GALK2: variants seen among roughly 807,000 people sequenced by gnomAD.
The protein encoded by GALK2 is galactokinase 2.
A neutral mutation model predicts 52.4 loss-of-function variants in GALK2; 36 were observed. The ratio of observed to expected loss-of-function variants is 0.69; its 90% CI spans 0.53 to 0.91. GALK2 has a LOEUF of 0.91. GALK2 is among the 40% of genes least tolerant of loss of function. The pLI, the probability that GALK2 is intolerant of heterozygous loss-of-function variation, is 0.00. For missense variants in GALK2, 579 were observed against 559.1 expected (o/e 1.04, Z -0.36); for synonymous variants, 176 against 199.1 (o/e 0.88, Z 0.98).
At chr15:49,322,692 T>C (rs1408559604) in intron 9 of GALK2, among the ~76,000 whole-genome samples, 1 of 152,142 alleles carries the variant, frequency 6.6e-6, no homozygotes, top group Non-Finnish European at 1.5e-5. Flanking sequence ...GCCCAATTGC[T>C]CACACCTGTA....
At chr15:49,201,053 AGTGTGTGTGTGT>A (rs10629223) in intron 1 of GALK2, 97 bp from the exon 2 acceptor site, 26 of 400,838 alleles carry the variant, frequency 6.5e-5, no homozygotes, top group African/African-American at 3.7e-4. Flanking sequence ...AGGCATATGG[AGTGTGTGTGTGT>A]GTGTGTGTGT....
intron 7 of GALK2, among the ~76,000 whole-genome samples, chr15:49,291,235 T>C (rs2033906281): frequency 6.6e-6 from 1 of 152,216 alleles, no homozygotes; most frequent in Non-Finnish European, 1.5e-5. Context: ...ATCATAGTTC[T>C]ATTGTTTTGT....
At chr15:49,252,235 C>A (rs2091637640) in intron 5 of GALK2, among the ~76,000 whole-genome samples, 1 of 152,152 alleles carries the variant, frequency 6.6e-6, no homozygotes, top group South Asian at 2.1e-4. Context: ...CATTGCACTC[C>A]AGTCTGGGTG....
In GALK2 at chr15:49,325,095, C is replaced by A. The variant is rs74608823; in HGVS notation, c.1170-2857C>A. On this transcript the variant is annotated intron_variant, in intron 9 of 9. Coordinates refer to ENST00000560031, the MANE Select transcript of GALK2 (RefSeq NM_002044.4). The stretch of plus-strand genomic sequence containing the variant: ...TGCAACTTAGTAAGTGCTTTATGGT[C>A]GAATTAGTTCACTTAAAAGTAGGAA... 7.8e-4 allele frequency among the ~76,000 whole-genome samples: 119 copies of A among 152,252 alleles called. 1 individual carries two copies. The East Asian group carries it at 0.019, about 25-fold the overall frequency.
At position 49,299,737 on chromosome 15, in the gene GALK2, T is replaced by TC. The variant is rs200606802; in HGVS notation, c.967+7200_967+7201insC. Reference sequence around the variant, plus strand: ...TTCTTTCTTTCTTTCTTTCTTTCTTTTCTTTCTTTCTTTCTTTCTTTCTTT... The same window carrying TC: ...TTCTTTCTTTCTTTCTTTCTTTCTTTCTCTTTCTTTCTTTCTTTCTTTCTTT... On this transcript the variant is annotated intron_variant, in intron 8 of 9. Transcript: ENST00000560031. Among the ~76,000 whole-genome samples the TC allele has an allele frequency of 3.3e-3, 302 of 90,636 alleles. 15 individuals carry two copies. Among genetic ancestry groups the TC allele is most frequent in the African/African-American group, 0.011 (284 of 25,460 alleles). 59.5% of individuals were successfully genotyped at this position (90,636 alleles called of 152,430 possible).
intron 1 of GALK2, among the ~76,000 whole-genome samples, chr15:49,181,554 A>T: frequency 8.0e-6 from 1 of 124,800 alleles, no homozygotes. Flanking sequence ...CCCAGGCTGG[A>T]GTGCAGTGGT....
intron 5 of GALK2, among the ~76,000 whole-genome samples, chr15:49,240,344 A>T (rs2091034651): frequency 6.6e-6 from 1 of 152,130 alleles, no homozygotes; most frequent in African/African-American, 2.4e-5. Flanking sequence ...TTATTTATTC[A>T]TTTGTTTGTT....
chr15:49,237,321 A>G (rs2090862893), intron 4 of GALK2, among the ~76,000 whole-genome samples: 1 of 152,232 alleles, frequency 6.6e-6, no homozygotes, highest in Non-Finnish European at 1.5e-5. Context: ...AAAGTTTCAG[A>G]GAATAATTCA....
At chr15:49,308,431 G>A (rs763385277) in intron 8 of GALK2, among the ~76,000 whole-genome samples, 15 of 152,126 alleles carry the variant, frequency 9.9e-5, no homozygotes, top group South Asian at 2.1e-4. Flanking sequence ...AATTATACAC[G>A]TACATGATAA....
intron 2 of GALK2, among the ~76,000 whole-genome samples, chr15:49,210,967 ACACACT>A (rs146135444): frequency 2.4e-4 from 24 of 99,142 alleles, no homozygotes; most frequent in South Asian, 1.9e-3. Context: ...TCACACACAC[ACACACT>A]CACACACACA....
chr15:49,367,072 C>T (rs1304367726), intron 3 of GALK2, among the ~76,000 whole-genome samples: 1 of 152,128 alleles, frequency 6.6e-6, no homozygotes, highest in African/African-American at 2.4e-5. Context: ...AATTCCACAG[C>T]TAAAACATGC....
chr15:49,213,662 A>T (rs1566943524), intron 2 of GALK2, among the ~76,000 whole-genome samples: 1 of 151,878 alleles, frequency 6.6e-6, no homozygotes, highest in Non-Finnish European at 1.5e-5. Context: ...TTTATTGGGA[A>T]TTTAGTCCAT....
At chr15:49,221,220 TAA>T (rs1455421759) in intron 3 of GALK2, among the ~76,000 whole-genome samples, 1 of 152,206 alleles carries the variant, frequency 6.6e-6, no homozygotes, top group African/African-American at 2.4e-5. Flanking sequence ...GTGTTATGTT[TAA>T]GTCTTTAACC....
downstream of GALK2, among the ~76,000 whole-genome samples, chr15:49,334,504 G>T (rs2039356981): frequency 6.6e-6 from 1 of 152,108 alleles, no homozygotes; most frequent in South Asian, 2.1e-4. Flanking sequence ...CAACACCTGA[G>T]TACAGCTGGA....
chr15:49,357,462 T>C (rs375489594), intron 3 of GALK2, among the ~76,000 whole-genome samples: 3 of 151,906 alleles, frequency 2.0e-5, no homozygotes, highest in Non-Finnish European at 4.4e-5. Flanking sequence ...AACACCTCTA[T>C]GCAAATAAAC....
At chr15:49,161,176 A>G (rs1329614009) in intron 1 of GALK2, among the ~76,000 whole-genome samples, 1 of 152,244 alleles carries the variant, frequency 6.6e-6, no homozygotes, top group Non-Finnish European at 1.5e-5. Context: ...CAATGGGAAA[A>G]TAAGTATGCA....
chr15:49,355,838 G>C (rs902238349), intron 3 of GALK2, among the ~76,000 whole-genome samples: 1 of 152,158 alleles, frequency 6.6e-6, no homozygotes, highest in East Asian at 1.9e-4. Context: ...GGCAGCTAGA[G>C]AGAAAGGTCG....
At chr15:49,300,735 T>G (rs2035042415) in intron 8 of GALK2, among the ~76,000 whole-genome samples, 2 of 152,152 alleles carry the variant, frequency 1.3e-5, no homozygotes, top group Admixed American at 1.3e-4. Flanking sequence ...GCACTTCTCC[T>G]TGCTGCCACC....
intron 3 of GALK2, chr15:49,366,679 C>T: frequency 2.0e-6 from 3 of 1,511,858 alleles, no homozygotes; most frequent in Non-Finnish European, 2.7e-6. Context: ...GCCGCTGCGG[C>T]CCCATCGGAC....
Sources: gnomAD v4.1 joint callset for allele counts (sites outside exome capture counted in the v4.1 genomes callset) on GRCh38, gnomAD v4.1.1 for gene constraint, MANE v1.5 for transcripts, NCBI Gene and HGNC (gene_info 2026-07-23, HGNC 2026-07-21) for gene names.